Variants in CPED1 observed in about 807,000 individuals in gnomAD.
CPED1 encodes the protein cadherin-like and PC-esterase domain-containing protein 1.
Under a neutral mutation model 128.2 loss-of-function variants are expected in CPED1, and 114 were observed. The observed-to-expected ratio is 0.89, with a 90% CI of 0.76 to 1.04. The LOEUF is 1.04. Among genes scored for constraint, CPED1 ranks in the 50% least tolerant of loss-of-function variants. The pLI, the probability that CPED1 is intolerant of heterozygous loss-of-function variation, is 0.00. For missense variants in CPED1, 1,211 were observed against 1,207.1 expected, an observed-to-expected ratio of 1.00 and a Z score of -0.05; for synonymous variants, 462 against 426.7, an observed-to-expected ratio of 1.08 and a Z score of -1.02.
chr7:121,177,895 A>G lies in CPED1; in HGVS notation c.2055+35754A>G, dbSNP rs905454279. ...GAATGCAAGTAAGAAAATAAAGTCC[A>G]TTAGATAATCTGGATTCTTCCCTAC... is the stretch of plus-strand genomic sequence containing the variant. On this transcript the variant is annotated intron_variant, in intron 16 of 22. Coordinates refer to ENST00000310396, the MANE Select transcript of CPED1 (RefSeq NM_024913.5). Among the ~76,000 whole-genome samples, 44 of 152,130 alleles carry G rather than the reference A, an allele frequency of 2.9e-4. 1 individual carries two copies. Among genetic ancestry groups the G allele is most frequent in the Admixed American group, 2.6e-3 (40 of 15,252 alleles).
chr7:121,007,044 T>C (rs1792033839), intron 2 of CPED1, among the ~76,000 whole-genome samples: 1 of 152,076 alleles, frequency 6.6e-6, no homozygotes, highest in Non-Finnish European at 1.5e-5. Context: ...ATCCTAGATA[T>C]GCACTTTAGG....
intron 3 of CPED1, among the ~76,000 whole-genome samples, chr7:121,037,570 C>T (rs538396056): frequency 4.3e-4 from 65 of 152,094 alleles, no homozygotes; most frequent in Non-Finnish European, 6.3e-4. Context: ...AGTCAGGTAA[C>T]GTGATGCCTC....
chr7:121,116,852 A>G lies in CPED1; in HGVS notation c.919-7479A>G, dbSNP rs139261371. ...TCTTCATAGCATTGCTATGAATACA[A>G]ACAAAGCAGTGCATGTAAAATGCAC... On this transcript the variant is annotated intron_variant, in intron 7 of 22. Coordinates refer to ENST00000310396, the MANE Select transcript of CPED1 (RefSeq NM_024913.5). 6.9e-3 allele frequency among the ~76,000 whole-genome samples: 1,043 copies of G among 151,500 alleles called. 10 individuals carry two copies. The highest frequency in any genetic ancestry group is 0.012 in the Non-Finnish European group (800 of 67,898).
At chr7:121,097,565 G>T in intron 5 of CPED1, 134 bp from the exon 6 acceptor site, 6 of 950,184 alleles carry the variant, frequency 6.3e-6, no homozygotes, top group South Asian at 1.6e-5. Context: ...ATCCATTTTT[G>T]ATTCAGAATG....
chr7:121,080,022 T>G (rs772194137), intron 5 of CPED1, among the ~76,000 whole-genome samples: 26 of 152,238 alleles, frequency 1.7e-4, no homozygotes, highest in Non-Finnish European at 3.7e-4. Flanking sequence ...CAGGCCCGTT[T>G]ACTCACGTAG....
At chr7:121,020,352 A>G (rs1792408370) in intron 3 of CPED1, among the ~76,000 whole-genome samples, 1 of 152,024 alleles carries the variant, frequency 6.6e-6, no homozygotes, top group African/African-American at 2.4e-5. Context: ...ATAAAGTTTT[A>G]TTAGAACACT....
In CPED1 at chr7:121,128,393, T is replaced by A. The variant is rs762160098; in HGVS notation, c.1314T>A (p.Tyr438Ter). The A allele has an allele frequency of 1.3e-6, 2 of 1,581,074 alleles. No homozygotes were observed. The highest frequency in any genetic ancestry group is 1.7e-6 in the Non-Finnish European group (2 of 1,150,378). ...YRSDVFKGEN[Y>*]QKELNQCLSL... ...CCCTACCAATACAGGGTGAAAACTA[T>A]CAAAAGGAACTAAATCAGTGTCTGT... The change falls in exon 11 of 23, where the codon TAT (tyrosine) becomes TAA (stop). Residue 438 changes from tyrosine (Y) to a stop codon, truncating the protein, a stop_gained. Transcript: ENST00000310396. LOFTEE classifies it high-confidence loss of function.
intron 16 of CPED1, among the ~76,000 whole-genome samples, chr7:121,162,054 G>A (rs990974807): frequency 1.3e-5 from 2 of 152,128 alleles, no homozygotes; most frequent in Admixed American, 6.6e-5. Flanking sequence ...TATGTGATGG[G>A]CAGTATCATC....
At chr7:121,106,208 A>G (rs1179368972) in intron 7 of CPED1, among the ~76,000 whole-genome samples, 3 of 152,146 alleles carry the variant, frequency 2.0e-5, no homozygotes, top group African/African-American at 7.2e-5. Context: ...GGATTTACAT[A>G]TTCCATCATT....
At chr7:121,249,400 G>GA (rs1398350880) in intron 18 of CPED1, among the ~76,000 whole-genome samples, 1 of 151,970 alleles carries the variant, frequency 6.6e-6, no homozygotes, top group African/African-American at 2.4e-5. Flanking sequence ...CAATATAAAA[G>GA]AAAAAATTTT....
chr7:121,170,655 G>C (rs1232367345), intron 16 of CPED1, among the ~76,000 whole-genome samples: 2 of 152,008 alleles, frequency 1.3e-5, no homozygotes, highest in Non-Finnish European at 2.9e-5. Context: ...TAAAACAAAT[G>C]TTCAATAGAT....
At chr7:121,173,488 A>G (rs1796702385) in intron 16 of CPED1, among the ~76,000 whole-genome samples, 1 of 152,208 alleles carries the variant, frequency 6.6e-6, no homozygotes, top group South Asian at 2.1e-4. Context: ...TCCCACTTAT[A>G]AGTGAGAAGA....
chr7:121,052,062 A>G (rs147751372), intron 4 of CPED1: 30 of 152,466 alleles, frequency 2.0e-4, no homozygotes, highest in Non-Finnish European at 3.1e-4. Context: ...ACTTAGAAAC[A>G]GTGTTTTTGG....
chr7:121,132,915 A>T (rs1202737312), intron 12 of CPED1, among the ~76,000 whole-genome samples: 1 of 152,070 alleles, frequency 6.6e-6, no homozygotes, highest in East Asian at 1.9e-4. Flanking sequence ...CAATAATTTT[A>T]ATTCCTTGAT....
chr7:121,252,902 G>A (rs1798713745), intron 18 of CPED1, among the ~76,000 whole-genome samples: 1 of 152,138 alleles, frequency 6.6e-6, no homozygotes, highest in South Asian at 2.1e-4. Context: ...AAGTTGGTGT[G>A]GCAATTCCTC....
Position 121,219,618 on chromosome 7 carries a change from T to A in CPED1, c.2056-17096T>A, listed in dbSNP as rs1352618118. Among the ~76,000 whole-genome samples, 3 of 152,022 alleles carry A rather than the reference T, an allele frequency of 2.0e-5. No homozygotes were observed. In the East Asian group the frequency reaches 5.8e-4, roughly 29 times the overall value. Reference sequence around the variant, plus strand: ...TAAAATTCTTTCACAGTATAATGAATAGCCACTTTTCAGCTGATATATGTT... The same window carrying A: ...TAAAATTCTTTCACAGTATAATGAAAAGCCACTTTTCAGCTGATATATGTT... On this transcript the variant is annotated intron_variant, in intron 16 of 22. Transcript: ENST00000310396.
At chr7:121,017,414 C>T (rs1334260866) in intron 3 of CPED1, among the ~76,000 whole-genome samples, 1 of 152,030 alleles carries the variant, frequency 6.6e-6, no homozygotes, top group Non-Finnish European at 1.5e-5. Flanking sequence ...ACTTAGAAAC[C>T]TATTTATCAG....
At chr7:121,269,647 A>G (rs1312636766) in intron 21 of CPED1, among the ~76,000 whole-genome samples, 1 of 152,054 alleles carries the variant, frequency 6.6e-6, no homozygotes, top group Non-Finnish European at 1.5e-5. Flanking sequence ...GCATGGCCTC[A>G]CAAACATCTG....
intron 16 of CPED1, among the ~76,000 whole-genome samples, chr7:121,221,241 A>T (rs1797869831): frequency 6.6e-6 from 1 of 151,906 alleles, no homozygotes; most frequent in African/African-American, 2.4e-5. Flanking sequence ...GTGATAGTTT[A>T]CTCAGAATGA....
Sources: allele counts gnomAD v4.1 joint callset (sites outside exome capture counted in the v4.1 genomes callset), GRCh38; gene constraint gnomAD v4.1.1; transcripts MANE v1.5; gene names NCBI Gene and HGNC (gene_info 2026-07-23, HGNC 2026-07-21).